ABLIM1: variants seen among roughly 807,000 people sequenced by gnomAD.
ABLIM1 encodes actin-binding LIM protein 1.
In ABLIM1, 40 loss-of-function variants were observed where a neutral mutation model predicts 107.0. The ratio of observed to expected loss-of-function variants is 0.37; its 90% CI spans 0.29 to 0.49. ABLIM1 has a LOEUF of 0.49. ABLIM1 is among the 20% of genes least tolerant of loss of function. The pLI is 0.97. For synonymous variants in ABLIM1, 357 were observed against 357.3 expected, an observed-to-expected ratio of 1.00 and a Z score of 0.01; for missense variants, 857 against 1,008.5, an observed-to-expected ratio of 0.85 and a Z score of 2.04.
intron 1 of ABLIM1, among the ~76,000 whole-genome samples, chr10:114,612,438 T>C (rs551957891): frequency 6.6e-6 from 1 of 152,256 alleles, no homozygotes; most frequent in East Asian, 1.9e-4. Flanking sequence ...TTATAAATTA[T>C]CCAATCTGTG....
chr10:114,439,127 T>C (rs1434194698), intron 21 of ABLIM1, 49 bp downstream of exon 21: 3 of 1,598,130 alleles, frequency 1.9e-6, no homozygotes, highest in African/African-American at 2.7e-5. Context: ...CAAATCTGTT[T>C]AGGGTTACGC....
At chr10:114,661,222 AG>A (rs2079782344), upstream of ABLIM1, among the ~76,000 whole-genome samples, 1 of 152,228 alleles carries the variant, frequency 6.6e-6, no homozygotes, top group African/African-American at 2.4e-5. Context: ...ACGGCTAATG[AG>A]AAAAACAAAT....
At chr10:114,614,102 G>A (rs867506981) in intron 1 of ABLIM1, among the ~76,000 whole-genome samples, 3 of 152,210 alleles carry the variant, frequency 2.0e-5, no homozygotes, top group Middle Eastern at 3.4e-3. Flanking sequence ...GGAGAAGGGA[G>A]AGGAAGAAAA....
chr10:114,618,999 G>T (rs555928294), intron 1 of ABLIM1, among the ~76,000 whole-genome samples: 8 of 152,076 alleles, frequency 5.3e-5, no homozygotes, highest in African/African-American at 1.9e-4. Flanking sequence ...TTTGAATCCT[G>T]TTGTATATTG....
At position 114,732,160 on chromosome 10, in the gene ABLIM1, T is replaced by TTTTTC. The variant is rs201796914; in HGVS notation, c.-213+35896_-213+35900dup. Among the ~76,000 whole-genome samples the TTTTTC allele has an allele frequency of 8.1e-3, 1,215 of 149,426 alleles. 17 individuals carry two copies. Among genetic ancestry groups the TTTTTC allele is most frequent in the African/African-American group, 0.027 (1,081 of 39,766 alleles). ...TGATATCTTTTGGGTTTGATTTGCA[T>TTTTTC]TTTTCTTTTCTTTTCTTTTCTTTTT... On this transcript the variant is annotated intron_variant, in intron 1 of 15. Transcript: ENST00000651092.
Position 114,465,737 on chromosome 10 carries a change from GA to G in ABLIM1, c.1401del (p.Pro468GlnfsTer34). On this transcript the variant is annotated frameshift_variant, in exon 12 of 23. Coordinates refer to ENST00000533213, the MANE Select transcript of ABLIM1 (RefSeq NM_002313.7). LOFTEE classifies it high-confidence loss of function. ...NSPVYSRHSYTPTTSRSPQHF... is the reference protein window; with the variant it reads ...NSPVYSRHSYXPTTSRSPQHF... Reference sequence around the variant, plus strand: ...TGCTGGGGAGAGCGGGACGTGGTTGGAGTGTAGCTGTGGCGGCTGTACACAG... The same window carrying G: ...TGCTGGGGAGAGCGGGACGTGGTTGGGTGTAGCTGTGGCGGCTGTACACAG... 1 of 1,614,160 alleles carries G rather than the reference GA, an allele frequency of 6.2e-7. No homozygotes were observed. The highest frequency in any genetic ancestry group is 8.5e-7 in the Non-Finnish European group (1 of 1,180,028).
chr10:114,741,010 G>A (rs1405995219), intron 1 of ABLIM1, among the ~76,000 whole-genome samples: 3 of 150,836 alleles, frequency 2.0e-5, no homozygotes, highest in African/African-American at 7.3e-5. Flanking sequence ...TCCAACCTGG[G>A]TGACACAGCG....
In ABLIM1 at chr10:114,444,153, A is replaced by AAAG; in HGVS notation, c.1828-20_1828-19insCTT. 5.5e-6 allele frequency: 1 copy of AAAG among 182,294 alleles called. No homozygotes were observed. Among genetic ancestry groups the AAAG allele is most frequent in the Non-Finnish European group, 7.3e-6 (1 of 137,222 alleles). The allele number at this position is 182,294 out of a possible 1,614,324, so 11.3% of individuals were successfully genotyped here. Reference sequence around the variant, plus strand: ...AGTTAAGCTATTCACAGAAAAAAGGAAAAAAAAAAAAAAAAGAAAGCAAAG... The same window carrying AAAG: ...AGTTAAGCTATTCACAGAAAAAAGGAAAGAAAAAAAAAAAAAAAGAAAGCAAAG... On this transcript the variant is annotated intron_variant, in intron 16 of 22. Coordinates refer to ENST00000533213, the MANE Select transcript of ABLIM1 (RefSeq NM_002313.7).
At chr10:114,685,584 T>C (rs2080913543), upstream of ABLIM1, among the ~76,000 whole-genome samples, 1 of 152,158 alleles carries the variant, frequency 6.6e-6, no homozygotes, top group Non-Finnish European at 1.5e-5. Context: ...TCCAGGCTAC[T>C]GCCTGGAACT....
chr10:114,586,500 G>A (rs1056914885), intron 2 of ABLIM1, among the ~76,000 whole-genome samples: 6 of 152,196 alleles, frequency 3.9e-5, no homozygotes, highest in African/African-American at 1.4e-4. Context: ...TCAGGGTAAT[G>A]ATGGTCTTTA....
chr10:114,616,591 C>G (rs1159683821), intron 1 of ABLIM1, among the ~76,000 whole-genome samples: 1 of 152,176 alleles, frequency 6.6e-6, no homozygotes, highest in Non-Finnish European at 1.5e-5. Flanking sequence ...GGTGACAAAG[C>G]GTTGTTCTAC....
the ABLIM1 span, among the ~76,000 whole-genome samples, chr10:114,787,466 A>G: frequency 2.1e-4 from 24 of 115,034 alleles, no homozygotes; most frequent in East Asian, 8.5e-4. Flanking sequence ...GCCTCTGCCC[A>G]GCCGCCCCTA....
intron 1 of ABLIM1, among the ~76,000 whole-genome samples, chr10:114,680,437 G>A (rs1008001709): frequency 3.3e-5 from 5 of 152,160 alleles, no homozygotes; most frequent in African/African-American, 1.2e-4. Flanking sequence ...CCTTCTACAA[G>A]TCCATAGTTA....
At chr10:114,531,806 G>A (rs988588549) in intron 6 of ABLIM1, among the ~76,000 whole-genome samples, 1 of 151,160 alleles carries the variant, frequency 6.6e-6, no homozygotes, top group East Asian at 1.9e-4. Context: ...GTGAGCCACC[G>A]CCCTCCACCA....
intron 15 of ABLIM1, among the ~76,000 whole-genome samples, chr10:114,447,023 A>G (rs1442801331): frequency 6.6e-6 from 1 of 152,216 alleles, no homozygotes; most frequent in Admixed American, 6.5e-5. Flanking sequence ...AGATATTCCA[A>G]AAATAACTTA....
chr10:114,541,427 A>C (rs2066643250), intron 6 of ABLIM1, among the ~76,000 whole-genome samples: 1 of 152,206 alleles, frequency 6.6e-6, no homozygotes, highest in African/African-American at 2.4e-5. Flanking sequence ...CAGTATTTAC[A>C]ACAAATCCAC....
At chr10:114,626,879 C>T (rs889157892) in intron 1 of ABLIM1, among the ~76,000 whole-genome samples, 2 of 152,112 alleles carry the variant, frequency 1.3e-5, no homozygotes, top group African/African-American at 4.8e-5. Flanking sequence ...AGGGAGAATG[C>T]CCTGTGAACA....
chr10:114,495,411 GATA>G (rs2059536913), intron 6 of ABLIM1, among the ~76,000 whole-genome samples: 1 of 152,022 alleles, frequency 6.6e-6, no homozygotes, highest in South Asian at 2.1e-4. Flanking sequence ...TGGTGATGAT[GATA>G]ATGATGATGG....
chr10:114,488,551 G>GA (rs1396057726), intron 7 of ABLIM1, among the ~76,000 whole-genome samples: 1 of 152,170 alleles, frequency 6.6e-6, no homozygotes, highest in African/African-American at 2.4e-5. Context: ...TAGAAAGGGT[G>GA]AAAGTTAAAT....
Sources: allele counts gnomAD v4.1 joint callset (sites outside exome capture counted in the v4.1 genomes callset), GRCh38; gene constraint gnomAD v4.1.1; transcripts MANE v1.5; gene names NCBI Gene and HGNC (gene_info 2026-07-23, HGNC 2026-07-21).